The following ICA1L variants were observed in gnomAD, a reference collection of about 807,000 sequenced individuals.
ICA1L encodes the protein islet cell autoantigen 1 like.
In ICA1L, 50 loss-of-function variants were observed where a neutral mutation model predicts 61.3. The observed-to-expected ratio is 0.82, with a 90% CI of 0.65 to 1.03. The LOEUF (loss-of-function observed/expected upper bound fraction) is 1.03. Among genes scored for constraint, ICA1L ranks in the 50% least tolerant of loss-of-function variants. The probability of loss-of-function intolerance (pLI) is 0.00; values close to 1 mark genes in which losing one functional copy is unlikely to be tolerated. For missense variants in ICA1L, 508 were observed against 556.7 expected (o/e 0.91, Z 0.88); for synonymous variants, 161 against 191.3 (o/e 0.84, Z 1.31).
chr2:202,864,645 GTGTA>G (rs1307861235), intron 1 of ICA1L, among the ~76,000 whole-genome samples: 75 of 152,122 alleles, frequency 4.9e-4, no homozygotes, highest in African/African-American at 1.8e-3. Flanking sequence ...GTGTGTGTGT[GTGTA>G]TATATATATA....
At position 202,773,886 on chromosome 2, in the gene ICA1L, A is replaced by G; in HGVS notation, c.*5647T>C. ...AGAGGCTGAGTGGAACAGTCCTGCT[A>G]AATAAACCAGTGGAATAAGAACAGT... On this transcript the variant is annotated 3_prime_UTR_variant, in exon 13 of 13. Coordinates refer to ENST00000358299, the MANE Select transcript of ICA1L (RefSeq NM_001288622.3). The G allele has an allele frequency of 7.8e-7, 1 of 1,282,098 alleles. No individual in the cohort carries two copies. Among genetic ancestry groups the G allele is most frequent in the Non-Finnish European group, 1.1e-6 (1 of 883,322 alleles). The allele number at this position is 1,282,098 out of a possible 1,614,324, so 79.4% of individuals were successfully genotyped here. A position where few individuals can be genotyped will look rare whatever the true frequency, so the allele number is the denominator to read the frequency against.
chr2:202,778,526 T>C lies in ICA1L; in HGVS notation c.*1007A>G, dbSNP rs577630668. On this transcript the variant is annotated 3_prime_UTR_variant, in exon 13 of 13. Transcript: ENST00000358299. ...TTTCTGTATGTCTGCCAGAAAGTATTCTGGGTTAAATAATTATGTCACAAA... is the reference window on the plus strand; with the variant it reads ...TTTCTGTATGTCTGCCAGAAAGTATCCTGGGTTAAATAATTATGTCACAAA... 6.6e-6 allele frequency: 1 copy of C among 152,164 alleles called. No homozygotes were observed. The highest frequency in any genetic ancestry group is 1.5e-5 in the Non-Finnish European group (1 of 68,032). 9.4% of individuals were successfully genotyped at this position (152,164 alleles called of 1,614,324 possible).
chr2:202,834,238 G>A (rs904086192), intron 1 of ICA1L, among the ~76,000 whole-genome samples: 1 of 152,032 alleles, frequency 6.6e-6, no homozygotes, highest in African/African-American at 2.4e-5. Flanking sequence ...AGATAATTTG[G>A]ATTTATAGAA....
At chr2:202,807,183 T>G (rs879567496) in intron 9 of ICA1L, among the ~76,000 whole-genome samples, 2 of 152,190 alleles carry the variant, frequency 1.3e-5, no homozygotes, top group African/African-American at 4.8e-5. Flanking sequence ...GTACCTGGTT[T>G]TAACTACGTA....
At position 202,819,685 on chromosome 2, in the gene ICA1L, G is replaced by T; in HGVS notation, c.558+16C>A. ...ATTTCATACACCAAGAAAAGGAAAG[G>T]GATACGTTTTCATACTTTTCTAAAC... On this transcript the variant is annotated intron_variant, in intron 5 of 12. Transcript: ENST00000358299. 2.5e-6 allele frequency: 4 copies of T among 1,575,708 alleles called. No homozygotes were observed. Among genetic ancestry groups the T allele is most frequent in the Non-Finnish European group, 1.7e-6 (2 of 1,145,356 alleles).
intron 1 of ICA1L, among the ~76,000 whole-genome samples, chr2:202,852,338 T>A (rs909757261): frequency 6.6e-6 from 1 of 152,120 alleles, no homozygotes; most frequent in Non-Finnish European, 1.5e-5. Context: ...TCTTCCACAA[T>A]GGTTGAACTA....
intron 1 of ICA1L, chr2:202,841,199 G>A (rs1694319380): frequency 1.4e-6 from 1 of 691,612 alleles, no homozygotes; most frequent in Non-Finnish European, 2.7e-6. Flanking sequence ...GCCTGATGAG[G>A]ACAAATTCAT....
chr2:202,797,048 A>G, intron 9 of ICA1L, 84 bp from the exon 10 acceptor site: 2 of 801,106 alleles, frequency 2.5e-6, no homozygotes, highest in Non-Finnish European at 3.9e-6. Flanking sequence ...CATTAGGTCA[A>G]GTGTTCAATT....
chr2:202,817,343 C>T, intron 6 of ICA1L, 75 bp downstream of exon 6: 1 of 1,367,708 alleles, frequency 7.3e-7, no homozygotes, highest in East Asian at 2.5e-5. Flanking sequence ...TTTTTACACC[C>T]TTTAGACAAC....
chr2:202,819,624 A>T (rs576260900), intron 5 of ICA1L, 77 bp downstream of exon 5: 1 of 1,153,844 alleles, frequency 8.7e-7, no homozygotes, highest in South Asian at 1.3e-5. Flanking sequence ...AAACATCTGA[A>T]ATTTTATTAT....
rs1234540279 is a variant in ICA1L, at chr2:202,776,117, A to G, written c.*3416T>C. 6.6e-6 allele frequency: 1 copy of G among 152,360 alleles called. No individual in the cohort carries two copies. Among genetic ancestry groups the G allele is most frequent in the East Asian group, 1.9e-4 (1 of 5,192 alleles). 9.4% of individuals were successfully genotyped at this position (152,360 alleles called of 1,614,324 possible). On this transcript the variant is annotated 3_prime_UTR_variant, in exon 13 of 13. Transcript: ENST00000358299. ...GTGAAATATTTATAGTTAAAATACA[A>G]AACACTTTTTCAGTGTGCAAATACT...
intron 9 of ICA1L, among the ~76,000 whole-genome samples, chr2:202,806,501 C>G (rs553060954): frequency 6.6e-6 from 1 of 151,966 alleles, no homozygotes; most frequent in South Asian, 2.1e-4. Flanking sequence ...CAAAAAATAG[C>G]TGGGTGAGGT....
intron 1 of ICA1L, among the ~76,000 whole-genome samples, chr2:202,859,452 G>T (rs879274013): frequency 2.6e-5 from 4 of 152,168 alleles, no homozygotes; most frequent in Non-Finnish European, 5.9e-5. Context: ...AGTTTCATAT[G>T]CACATTTAAT....
At chr2:202,861,779 G>A (rs145664840) in intron 1 of ICA1L, among the ~76,000 whole-genome samples, 13,350 of 150,402 alleles carry the variant, frequency 0.089, 708 homozygotes, top group Non-Finnish European at 0.12. Context: ...CAGCTACTGG[G>A]AAGGCTGAGG....
chr2:202,849,140 T>G lies in ICA1L; in HGVS notation c.-7-20124A>C, dbSNP rs1694544193. Among the ~76,000 whole-genome samples, 1 of 152,186 alleles carries G rather than the reference T, an allele frequency of 6.6e-6. No individual in the cohort carries two copies. Among genetic ancestry groups the G allele is most frequent in the Non-Finnish European group, 1.5e-5 (1 of 68,018 alleles). ...TTTTTGCAATCCGCAGACCAGAAGA[T>G]TCCCACATGTGCCTATACCACCAGG... On this transcript the variant is annotated intron_variant, in intron 1 of 12. Transcript: ENST00000358299. The surrounding 1 kb of genome is among the most constrained non-coding windows in gnomAD (Gnocchi z 4.5).
chr2:202,854,583 ATATACATTCTT>A, intron 1 of ICA1L, among the ~76,000 whole-genome samples: 1 of 152,352 alleles, frequency 6.6e-6, no homozygotes, highest in African/African-American at 2.4e-5. Flanking sequence ...AATCAACAGA[ATATACATTCTT>A]CTCAGTGCCA....
At chr2:202,844,170 T>C (rs1013074494) in intron 1 of ICA1L, 2 of 152,150 alleles carry the variant, frequency 1.3e-5, no homozygotes, top group South Asian at 2.1e-4. Flanking sequence ...TGTCAAAGGA[T>C]TGGTGTACCA....
rs1212189009 is a variant in ICA1L, at chr2:202,774,240, T to TCTC, written c.*5290_*5292dup. The TCTC allele has an allele frequency of 8.2e-5, 127 of 1,547,404 alleles. 1 individual carries two copies. Among genetic ancestry groups the TCTC allele is most frequent in the Admixed American group, 4.0e-4 (20 of 49,940 alleles). On this transcript the variant is annotated 3_prime_UTR_variant, in exon 13 of 13. Coordinates refer to ENST00000358299, the MANE Select transcript of ICA1L (RefSeq NM_001288622.3). ...AAGGCGCGGGGCGGCTCCTGAGTCT[T>TCTC]CTCGCTCCTGTCGGCCAAAGGCCGT... is the stretch of plus-strand genomic sequence containing the variant.
chr2:202,869,122 G>A (rs1418399752), intron 1 of ICA1L, among the ~76,000 whole-genome samples: 1 of 152,176 alleles, frequency 6.6e-6, no homozygotes, highest in African/African-American at 2.4e-5. Flanking sequence ...TACTTTGGGA[G>A]GCTGAGGCGG....
Sources: gnomAD v4.1 joint callset for allele counts (sites outside exome capture counted in the v4.1 genomes callset) on GRCh38, gnomAD v4.1.1 for gene constraint, Gnocchi (gnomAD v3.1) non-coding constraint, MANE v1.5 for transcripts, NCBI Gene and HGNC (gene_info 2026-07-23, HGNC 2026-07-21) for gene names.